The following APBB2 variants were observed in gnomAD, a reference collection of about 807,000 sequenced individuals.
The protein encoded by APBB2 is Fe65-like 1.
In APBB2, 38 loss-of-function variants were observed where a neutral mutation model predicts 82.5. That is an observed-to-expected ratio of 0.46 (90% CI 0.36 to 0.60). The LOEUF is 0.60. Ranked by LOEUF, APBB2 falls within the 20% of genes least tolerant of loss-of-function variation. The pLI is 0.00. For synonymous variants in APBB2, 341 were observed against 368.2 expected (o/e 0.93, Z 0.85); for missense variants, 772 against 972.3 (o/e 0.79, Z 2.74).
intron 1 of APBB2, among the ~76,000 whole-genome samples, chr4:41,197,886 C>T: frequency 9.8e-5 from 15 of 152,344 alleles, no homozygotes; most frequent in African/African-American, 3.1e-4. Context: ...TAACTCCCTA[C>T]ACTTAATAAA....
At chr4:41,119,107 C>T (rs1205768684) in intron 2 of APBB2, among the ~76,000 whole-genome samples, 6 of 151,760 alleles carry the variant, frequency 4.0e-5, no homozygotes, top group African/African-American at 1.2e-4. Context: ...CCACTGCACT[C>T]CAGCCTGGGT....
intron 6 of APBB2, among the ~76,000 whole-genome samples, chr4:40,947,453 G>A (rs78415301): frequency 0.039 from 5,981 of 152,270 alleles, 361 homozygotes; most frequent in African/African-American, 0.13. Flanking sequence ...TCAGACCAAC[G>A]GCAGAGGCCA....
chr4:40,977,590 GGT>G (rs948812857), intron 6 of APBB2, among the ~76,000 whole-genome samples: 13 of 152,130 alleles, frequency 8.5e-5, no homozygotes, highest in Admixed American at 1.3e-4. Flanking sequence ...TGGGTTTACA[GGT>G]GTGAGCCACT....
chr4:41,056,824 T>A (rs1374672940), intron 4 of APBB2, among the ~76,000 whole-genome samples: 6 of 152,156 alleles, frequency 3.9e-5, no homozygotes. Flanking sequence ...AAAGCTACTA[T>A]CTCTTGTTCA....
chr4:41,138,970 T>TA (rs1316032409), intron 2 of APBB2, among the ~76,000 whole-genome samples: 2 of 152,178 alleles, frequency 1.3e-5, no homozygotes, highest in Non-Finnish European at 2.9e-5. Context: ...ATTACTTTCT[T>TA]AATTTATAAA....
chr4:41,028,510 C>T (rs1715400099), intron 5 of APBB2, among the ~76,000 whole-genome samples: 1 of 152,134 alleles, frequency 6.6e-6, no homozygotes, highest in Non-Finnish European at 1.5e-5. Context: ...AGATAACCTG[C>T]CCAGCATGAC....
Position 41,013,572 on chromosome 4 carries a change from C to T in APBB2, c.835+11G>A. The stretch of plus-strand genomic sequence containing the variant: ...AAGTGCCAGCTGAGGCTACGCCTTC[C>T]CCAGGGGTACCTGTTTCATCCGGGG... On this transcript the variant is annotated intron_variant, in intron 6 of 17. Transcript: ENST00000508593. The T allele has an allele frequency of 6.2e-7, 1 of 1,611,800 alleles. No homozygotes were observed. Among genetic ancestry groups the T allele is most frequent in the Admixed American group, 1.7e-5 (1 of 59,916 alleles).
intron 12 of APBB2, among the ~76,000 whole-genome samples, chr4:40,843,055 C>T (rs937689835): frequency 1.3e-5 from 2 of 152,192 alleles, no homozygotes; most frequent in African/African-American, 4.8e-5. Context: ...CAGAGCTGTC[C>T]TGAGCTGCCT....
intron 3 of APBB2, among the ~76,000 whole-genome samples, chr4:41,090,899 A>G (rs983061763): frequency 6.6e-6 from 1 of 152,216 alleles, no homozygotes; most frequent in African/African-American, 2.4e-5. Context: ...TCAGAAGTCA[A>G]AGGAAGACTG....
chr4:41,012,518 T>G, intron 6 of APBB2, among the ~76,000 whole-genome samples: 1 of 152,306 alleles, frequency 6.6e-6, no homozygotes, highest in Middle Eastern at 3.4e-3. Flanking sequence ...CACAGTAGTA[T>G]GCATCATTGA....
chr4:41,169,888 AC>A (rs1767790718), intron 1 of APBB2, among the ~76,000 whole-genome samples: 1 of 152,186 alleles, frequency 6.6e-6, no homozygotes, highest in African/African-American at 2.4e-5. Flanking sequence ...AGATCTAGAA[AC>A]AGGAACAGTT....
At chr4:41,087,849 T>C (rs1230093552) in intron 3 of APBB2, among the ~76,000 whole-genome samples, 1 of 152,146 alleles carries the variant, frequency 6.6e-6, no homozygotes, top group Non-Finnish European at 1.5e-5. Flanking sequence ...CAGAAAACAA[T>C]TCTGCCATTG....
chr4:40,912,052 T>C (rs1181616807), intron 10 of APBB2, among the ~76,000 whole-genome samples: 2 of 152,244 alleles, frequency 1.3e-5, no homozygotes, highest in African/African-American at 2.4e-5. Context: ...AAGCACAGAA[T>C]GCAATAATAT....
At chr4:41,081,590 G>C (rs1432678435) in intron 3 of APBB2, among the ~76,000 whole-genome samples, 1 of 152,106 alleles carries the variant, frequency 6.6e-6, no homozygotes, top group Non-Finnish European at 1.5e-5. Flanking sequence ...TTGATACTTA[G>C]TTATATAAAA....
At chr4:41,117,301 T>C (rs61317151) in intron 2 of APBB2, among the ~76,000 whole-genome samples, 1 of 147,798 alleles carries the variant, frequency 6.8e-6, no homozygotes, top group Non-Finnish European at 1.5e-5. Flanking sequence ...TATTATTTTT[T>C]TTTTTTTTTG....
At chr4:41,129,857 A>G (rs1054313457) in intron 2 of APBB2, among the ~76,000 whole-genome samples, 1 of 152,112 alleles carries the variant, frequency 6.6e-6, no homozygotes. Context: ...AGAGAGAGAC[A>G]ATAACTTAAA....
intron 12 of APBB2, among the ~76,000 whole-genome samples, chr4:40,864,853 CT>C (rs571511868): frequency 0.21 from 26,196 of 124,290 alleles, 2,735 homozygotes; most frequent in East Asian, 0.49. Flanking sequence ...ACGTTTGATT[CT>C]TTTTTTTTTT....
At chr4:40,828,718 T>C (rs1426478795) in intron 13 of APBB2, among the ~76,000 whole-genome samples, 1 of 152,160 alleles carries the variant, frequency 6.6e-6, no homozygotes, top group African/African-American at 2.4e-5. Flanking sequence ...ATGCTGCAAA[T>C]GGCAGCAACA....
intron 1 of APBB2, among the ~76,000 whole-genome samples, chr4:41,165,012 T>C (rs1717587616): frequency 6.6e-6 from 1 of 152,216 alleles, no homozygotes; most frequent in South Asian, 2.1e-4. Context: ...TTTAGCCCCA[T>C]TTGCAGAGAG....
Sources: gnomAD v4.1 joint callset for allele counts (sites outside exome capture counted in the v4.1 genomes callset) on GRCh38, gnomAD v4.1.1 for gene constraint, MANE v1.5 for transcripts, NCBI Gene and HGNC (gene_info 2026-07-23, HGNC 2026-07-21) for gene names.